Variants in ZNF675 observed in about 807,000 individuals in gnomAD.
ZNF675 encodes zinc finger protein 675, also known as TRAF6 inhibitory zinc finger.
A neutral mutation model predicts 56.1 loss-of-function variants in ZNF675; 36 were observed. The observed-to-expected ratio is 0.64, with a 90% CI of 0.49 to 0.85. ZNF675 has a LOEUF of 0.85. ZNF675 is among the 40% of genes least tolerant of loss of function. The pLI is 0.00. For synonymous variants in ZNF675, 200 were observed against 218.9 expected (o/e 0.91, Z 0.76); for missense variants, 663 against 654.2 (o/e 1.01, Z -0.15).
intron 3 of ZNF675, among the ~76,000 whole-genome samples, chr19:23,661,407 A>AG (rs59895050): frequency 0.95 from 141,579 of 148,632 alleles, 67,763 homozygotes; most frequent in Non-Finnish European, 1. Flanking sequence ...AAAAAAAAAA[A>AG]GGGCGGGGAA....
At position 23,665,537 on chromosome 19, in the gene ZNF675, G is replaced by A. The variant is rs548335849; in HGVS notation, c.4-2379C>T. Among the ~76,000 whole-genome samples the A allele has an allele frequency of 9.2e-5, 14 of 151,758 alleles. No individual in the cohort carries two copies. In the East Asian group the frequency reaches 1.8e-3, roughly 19 times the overall value. On this transcript the variant is annotated intron_variant, in intron 1 of 3. Coordinates refer to ENST00000359788, the MANE Select transcript of ZNF675 (RefSeq NM_138330.3). Reference sequence around the variant, plus strand: ...GTGTGATGGAGTGTCGCTCTGTAGCGCAGGCTGGAGTGCAGTGGCGTGATC... The same window carrying A: ...GTGTGATGGAGTGTCGCTCTGTAGCACAGGCTGGAGTGCAGTGGCGTGATC...
intron 1 of ZNF675, among the ~76,000 whole-genome samples, chr19:23,679,989 C>A (rs570097649): frequency 7.3e-6 from 1 of 137,544 alleles, no homozygotes; most frequent in Non-Finnish European, 1.5e-5. Context: ...AGACTCCGTA[C>A]CCCCCCCCAA....
At chr19:23,668,389 G>C (rs1251698928) in intron 1 of ZNF675, among the ~76,000 whole-genome samples, 1 of 152,206 alleles carries the variant, frequency 6.6e-6, no homozygotes, top group African/African-American at 2.4e-5. Flanking sequence ...ACAGGGTGCT[G>C]ATTGGTGTGT....
chr19:23,673,165 T>C (rs1287638576), intron 1 of ZNF675, among the ~76,000 whole-genome samples: 2 of 152,208 alleles, frequency 1.3e-5, no homozygotes, highest in Non-Finnish European at 2.9e-5. Flanking sequence ...ATTTCCAAAA[T>C]TTCAAGACCT....
At chr19:23,664,636 A>T (rs1056490374) in intron 1 of ZNF675, among the ~76,000 whole-genome samples, 9 of 152,322 alleles carry the variant, frequency 5.9e-5, no homozygotes, top group African/African-American at 2.2e-4. Context: ...GCCTCATGTT[A>T]GAGTCACAAG....
In ZNF675 at chr19:23,658,972, T is replaced by G. The variant is rs1169118696; in HGVS notation, c.226+3142A>C. Among the ~76,000 whole-genome samples the G allele has an allele frequency of 6.2e-3, 901 of 146,268 alleles. 23 individuals carry two copies. Among genetic ancestry groups the G allele is most frequent in the African/African-American group, 0.021 (860 of 40,164 alleles). Reference sequence around the variant, plus strand: ...ATCTCTAGAGATCTATAGATAGATATAGATCTAGAGATAGAGATCGAGATC... The same window carrying G: ...ATCTCTAGAGATCTATAGATAGATAGAGATCTAGAGATAGAGATCGAGATC... On this transcript the variant is annotated intron_variant, in intron 3 of 3. Coordinates refer to ENST00000359788, the MANE Select transcript of ZNF675 (RefSeq NM_138330.3).
At chr19:23,669,143 G>C (rs1257249181) in intron 1 of ZNF675, among the ~76,000 whole-genome samples, 2 of 152,212 alleles carry the variant, frequency 1.3e-5, no homozygotes, top group Non-Finnish European at 2.9e-5. Context: ...TTTTCTAGTA[G>C]ATGTTGGTAA....
At position 23,661,612 on chromosome 19, in the gene ZNF675, C is replaced by T. The variant is rs543651128; in HGVS notation, c.226+502G>A. The stretch of plus-strand genomic sequence containing the variant: ...GGCTGAGACAGGAGAACTACTTAAA[C>T]CCAAGAGGCAAAAGTTACAGTGAGT... On this transcript the variant is annotated intron_variant, in intron 3 of 3. Transcript: ENST00000359788. Among the ~76,000 whole-genome samples, 251 of 152,038 alleles carry T rather than the reference C, an allele frequency of 1.7e-3. 3 individuals carry two copies. Among genetic ancestry groups the T allele is most frequent in the Non-Finnish European group, 1.1e-3 (73 of 67,994 alleles).
Position 23,653,596 on chromosome 19 carries a change from T to A in ZNF675, c.1337A>T (p.His446Leu). ...SSKLTEHKKL[H>L]TGKKPYKCEE... is the part of the protein sequence containing the mutation. ...ACATTTGTAGGGTTTCTTTCCAGTA[T>A]GAAGTTTCTTATGTTCAGTAAGTTT... Residue 446 changes from histidine to leucine, a missense_variant, in exon 4 of 4, where the codon CAT becomes CTT. His to Leu is a moderately conservative substitution (Grantham distance 99). Coordinates refer to ENST00000359788, the MANE Select transcript of ZNF675 (RefSeq NM_138330.3). The A allele has an allele frequency of 1.2e-6, 2 of 1,612,904 alleles. No individual in the cohort carries two copies. The highest frequency in any genetic ancestry group is 1.7e-6 in the Non-Finnish European group (2 of 1,179,506).
At position 23,654,522 on chromosome 19, in the gene ZNF675, T is replaced by C. The variant is rs747971273; in HGVS notation, c.411A>G (p.Pro137=). Residue 137 remains proline (P), a synonymous_variant, in exon 4 of 4, where the codon CCA becomes CCG. Coordinates refer to ENST00000359788, the MANE Select transcript of ZNF675 (RefSeq NM_138330.3). ...GGYNGLNQCL[P]TMQSKMFQCD... ...ATTGAAACATTTTGCTCTGCATAGT[T>C]GGTAAACATTGGTTAAGTCCATTAT... 6.2e-7 allele frequency: 1 copy of C among 1,605,796 alleles called. No individual in the cohort carries two copies. Among genetic ancestry groups the C allele is most frequent in the South Asian group, 1.1e-5 (1 of 89,928 alleles).
intron 1 of ZNF675, among the ~76,000 whole-genome samples, chr19:23,664,035 T>C (rs1232314335): frequency 1.3e-5 from 2 of 152,068 alleles, no homozygotes; most frequent in African/African-American, 4.8e-5. Flanking sequence ...GGAAAAGAAG[T>C]ATTTTTCAGA....
chr19:23,673,575 C>A (rs984095937), intron 1 of ZNF675, among the ~76,000 whole-genome samples: 1 of 152,124 alleles, frequency 6.6e-6, no homozygotes, highest in African/African-American at 2.4e-5. Context: ...AGAGGGTAAG[C>A]CCACTCTAGA....
chr19:23,654,706 A>G lies in ZNF675; in HGVS notation c.227T>C (p.Val76Ala). The change falls in exon 4 of 4, where the codon GTA (valine) becomes GCA (alanine). Residue 76 changes from valine to alanine, a missense_variant and splice_region_variant. This residue lies in a region of ZNF675 where 617 missense variants were observed against 590.5 expected (regional missense o/e 1.04). Coordinates refer to ENST00000359788, the MANE Select transcript of ZNF675 (RefSeq NM_138330.3). Reference protein sequence around the residue: ...KRHEMVNEPPVMCSHFAQEFW... With the variant: ...KRHEMVNEPPAMCSHFAQEFW... ...CTCTTGGGCAAAATGAGAACACATT[A>G]CTGAAAGAAATAAAAATAACACATT... 6.6e-7 allele frequency: 1 copy of G among 1,513,796 alleles called. No individual in the cohort carries two copies. Among genetic ancestry groups the G allele is most frequent in the South Asian group, 1.4e-5 (1 of 71,798 alleles). The allele number at this position is 1,513,796 out of a possible 1,614,324, so 93.8% of individuals were successfully genotyped here. A position where few individuals can be genotyped will look rare whatever the true frequency, so the allele number is the denominator to read the frequency against.
chr19:23,687,086 G>C lies in ZNF675; in HGVS notation c.-53C>G. ...CTTAGCTGTGGATCTCTCAATTTCT[G>C]CAGGTCACAGGCCCACAGAGGCTGG... On this transcript the variant is annotated 5_prime_UTR_variant, in exon 1 of 4. Transcript: ENST00000359788. 1 of 1,609,970 alleles carries C rather than the reference G, an allele frequency of 6.2e-7. No individual in the cohort carries two copies. Among genetic ancestry groups the C allele is most frequent in the Non-Finnish European group, 8.5e-7 (1 of 1,176,834 alleles).
Position 23,665,683 on chromosome 19 carries a change from G to A in ZNF675, c.4-2525C>T, listed in dbSNP as rs956510825. Among the ~76,000 whole-genome samples, 16 of 152,206 alleles carry A rather than the reference G, an allele frequency of 1.1e-4. No homozygotes were observed. The South Asian group carries it at 2.5e-3, about 24-fold the overall frequency. On this transcript the variant is annotated intron_variant, in intron 1 of 3. Transcript: ENST00000359788. ...GCTAATTTTTTGTGTATTTTAAGTA[G>A]AGGCAGGGTTTCACCATGTCGGTCA... is the stretch of plus-strand genomic sequence containing the variant.
chr19:23,657,471 C>CT (rs1968002955), intron 3 of ZNF675, among the ~76,000 whole-genome samples: 2 of 152,190 alleles, frequency 1.3e-5, no homozygotes, highest in African/African-American at 4.8e-5. Context: ...AATCCCAGTA[C>CT]TTTGGGAGGC....
At chr19:23,656,925 A>G (rs1967993568) in intron 3 of ZNF675, 1 of 152,170 alleles carries the variant, frequency 6.6e-6, no homozygotes, top group African/African-American at 2.4e-5. Context: ...CAAATATACT[A>G]AACATGGCTG....
intron 1 of ZNF675, among the ~76,000 whole-genome samples, chr19:23,674,920 C>T (rs1011167243): frequency 2.0e-5 from 3 of 149,076 alleles, no homozygotes; most frequent in Middle Eastern, 3.4e-3. Context: ...TGTAGTGGGC[C>T]AAGATCATGC....
chr19:23,659,022 TA>T (rs1968041709), intron 3 of ZNF675, among the ~76,000 whole-genome samples: 2 of 148,884 alleles, frequency 1.3e-5, no homozygotes, highest in Middle Eastern at 3.4e-3. Flanking sequence ...GTTAAATATA[TA>T]AAAATATATA....
Sources: allele counts gnomAD v4.1 joint callset (sites outside exome capture counted in the v4.1 genomes callset), GRCh38; gene constraint gnomAD v4.1.1; regional missense constraint gnomAD v4.1.1; transcripts MANE v1.5; gene names NCBI Gene and HGNC (gene_info 2026-07-23, HGNC 2026-07-21).